Variants in ANKRD17 observed in about 807,000 individuals in gnomAD.
ANKRD17 encodes ankyrin repeat domain-containing protein 17.
A neutral mutation model predicts 229.7 loss-of-function variants in ANKRD17; 19 were observed. The observed-to-expected ratio is 0.08, with a 90% CI of 0.06 to 0.12. The LOEUF (loss-of-function observed/expected upper bound fraction) is 0.12. Among genes scored for constraint, ANKRD17 ranks in the 10% least tolerant of loss-of-function variants. ANKRD17 has a pLI of 1.00. For synonymous variants in ANKRD17, 1,112 were observed against 1,146.1 expected (o/e 0.97, Z 0.60); for missense variants, 2,176 against 3,176.8 (o/e 0.68, Z 7.57).
intron 1 of ANKRD17, among the ~76,000 whole-genome samples, chr4:73,231,299 G>T (rs1278596973): frequency 2.0e-5 from 3 of 152,124 alleles, no homozygotes; most frequent in African/African-American, 7.2e-5. Context: ...ATAGCATCAA[G>T]GGCATGGAAA....
At chr4:73,144,182 T>C (rs536003902) in intron 11 of ANKRD17, among the ~76,000 whole-genome samples, 1 of 152,316 alleles carries the variant, frequency 6.6e-6, no homozygotes, top group Admixed American at 6.5e-5. Context: ...AAGAAAGTAA[T>C]AATATACTCC....
intron 1 of ANKRD17, among the ~76,000 whole-genome samples, chr4:73,182,321 C>G (rs2149022352): frequency 6.6e-6 from 1 of 151,924 alleles, no homozygotes; most frequent in South Asian, 2.1e-4. Flanking sequence ...GCATAAAGAA[C>G]CATCAAAATG....
chr4:73,188,748 G>C (rs1043767457), intron 1 of ANKRD17, among the ~76,000 whole-genome samples: 7 of 151,632 alleles, frequency 4.6e-5, no homozygotes, highest in Non-Finnish European at 1.0e-4. Flanking sequence ...ATTGAGAAGA[G>C]GTAAAAGTTT....
chr4:73,221,252 A>G (rs1187444796), intron 1 of ANKRD17, among the ~76,000 whole-genome samples: 1 of 152,156 alleles, frequency 6.6e-6, no homozygotes, highest in Admixed American at 6.5e-5. Flanking sequence ...AAAATTGCAG[A>G]GGTTGTTTTA....
chr4:73,158,425 T>C (rs970930956), intron 3 of ANKRD17, among the ~76,000 whole-genome samples: 2 of 152,210 alleles, frequency 1.3e-5, no homozygotes, highest in Non-Finnish European at 2.9e-5. Context: ...CTAAATAAGC[T>C]CCAACCTCCA....
Position 73,118,672 on chromosome 4 carries a change from G to T in ANKRD17, c.4188+16C>A. ...GTAAAAAAACATCCAGGTAAATGAGGATGAAAGACTTATACCTTTCTAAAT... is the reference window on the plus strand; with the variant it reads ...GTAAAAAAACATCCAGGTAAATGAGTATGAAAGACTTATACCTTTCTAAAT... On this transcript the variant is annotated intron_variant, in intron 22 of 33. Coordinates refer to ENST00000358602, the MANE Select transcript of ANKRD17 (RefSeq NM_032217.5). 6.2e-7 allele frequency: 1 copy of T among 1,613,352 alleles called. No individual in the cohort carries two copies. The highest frequency in any genetic ancestry group is 8.5e-7 in the Non-Finnish European group (1 of 1,179,510).
intron 1 of ANKRD17, among the ~76,000 whole-genome samples, chr4:73,251,252 C>T (rs748328552): frequency 2.0e-5 from 3 of 152,176 alleles, no homozygotes; most frequent in Admixed American, 6.5e-5. Flanking sequence ...TAACAGTTAA[C>T]ATTTCCCTTT....
At chr4:73,204,176 T>C (rs561687944) in intron 1 of ANKRD17, among the ~76,000 whole-genome samples, 1 of 151,198 alleles carries the variant, frequency 6.6e-6, no homozygotes, top group Non-Finnish European at 1.5e-5. Flanking sequence ...GGTAACACAG[T>C]GAAAACCCGT....
intron 1 of ANKRD17, among the ~76,000 whole-genome samples, chr4:73,179,460 G>GTA (rs569691576): frequency 1.2e-5 from 1 of 84,574 alleles, no homozygotes; most frequent in Non-Finnish European, 2.3e-5. Context: ...GTGTATATAT[G>GTA]TATATATGTG....
At chr4:73,093,952 A>G (rs919435077) in intron 28 of ANKRD17, 127 bp downstream of exon 28, 32 of 868,064 alleles carry the variant, frequency 3.7e-5, no homozygotes, top group Non-Finnish European at 5.0e-5. Flanking sequence ...CTCAAACACT[A>G]ATAAAATTCC....
At chr4:73,134,840 C>T (rs563572170) in intron 16 of ANKRD17, among the ~76,000 whole-genome samples, 1 of 152,036 alleles carries the variant, frequency 6.6e-6, no homozygotes, top group East Asian at 1.9e-4. Context: ...ATGCACTAAT[C>T]TTAAATAAAT....
intron 2 of ANKRD17, among the ~76,000 whole-genome samples, chr4:73,170,109 G>T (rs1293077868): frequency 6.6e-6 from 1 of 152,032 alleles, no homozygotes; most frequent in African/African-American, 2.4e-5. Flanking sequence ...GTGGCTAAGG[G>T]AGTGCTTGAG....
chr4:73,148,718 C>A, intron 8 of ANKRD17, 95 bp downstream of exon 8: 1 of 1,130,836 alleles, frequency 8.8e-7, no homozygotes. Flanking sequence ...CATTGCAACT[C>A]TACTAGAAAG....
At chr4:73,240,641 T>TA (rs1310502957) in intron 1 of ANKRD17, among the ~76,000 whole-genome samples, 2 of 151,816 alleles carry the variant, frequency 1.3e-5, no homozygotes, top group Admixed American at 6.6e-5. Flanking sequence ...AATTAGAATT[T>TA]AAAAAAACAC....
intron 1 of ANKRD17, among the ~76,000 whole-genome samples, chr4:73,211,118 C>T (rs1354529750): frequency 6.6e-6 from 1 of 151,924 alleles, no homozygotes; most frequent in Admixed American, 6.6e-5. Context: ...ACCATATAGT[C>T]AAGCACATAA....
chr4:73,241,107 G>A (rs890963216), intron 1 of ANKRD17, among the ~76,000 whole-genome samples: 6 of 151,888 alleles, frequency 4.0e-5, no homozygotes, highest in African/African-American at 7.3e-5. Context: ...CACCGTGCCC[G>A]GCCCAAATTC....
At chr4:73,116,994 GAT>G (rs1177942022) in intron 22 of ANKRD17, among the ~76,000 whole-genome samples, 1 of 151,830 alleles carries the variant, frequency 6.6e-6, no homozygotes, top group East Asian at 1.9e-4. Context: ...TATCTGGAAA[GAT>G]ATATGCATGT....
At chr4:73,121,852 AAT>A in intron 18 of ANKRD17, 93 bp from the exon 19 acceptor site, 1 of 1,277,616 alleles carries the variant, frequency 7.8e-7, no homozygotes, top group South Asian at 1.8e-5. Context: ...TATACTGTAC[AAT>A]AAAAGAAGGG....
At chr4:73,080,979 C>T (rs1721501679) in intron 30 of ANKRD17, among the ~76,000 whole-genome samples, 1 of 152,198 alleles carries the variant, frequency 6.6e-6, no homozygotes, top group Admixed American at 6.5e-5. Context: ...CTAGGCTTGC[C>T]CGCTGAGCTG....
Sources: allele counts gnomAD v4.1 joint callset (sites outside exome capture counted in the v4.1 genomes callset), GRCh38; gene constraint gnomAD v4.1.1; transcripts MANE v1.5; gene names NCBI Gene and HGNC (gene_info 2026-07-23, HGNC 2026-07-21).